MUSK: variants seen among roughly 807,000 people sequenced by gnomAD.
The protein encoded by MUSK is muscle, skeletal receptor tyrosine-protein kinase.
In MUSK, 55 loss-of-function variants were observed where a neutral mutation model predicts 88.7. The ratio of observed to expected loss-of-function variants is 0.62; its 90% CI spans 0.50 to 0.78. The LOEUF (loss-of-function observed/expected upper bound fraction) is 0.78. Ranked by LOEUF, MUSK falls within the 30% of genes least tolerant of loss-of-function variation. MUSK has a pLI of 0.00. For missense variants in MUSK, 1,015 were observed against 1,074.3 expected (o/e 0.94, Z 0.77); for synonymous variants, 387 against 391.9 (o/e 0.99, Z 0.15).
At chr9:110,720,076 CA>C (rs2076791697) in intron 5 of MUSK, among the ~76,000 whole-genome samples, 1 of 151,962 alleles carries the variant, frequency 6.6e-6, no homozygotes, top group South Asian at 2.1e-4. Flanking sequence ...GACAACCTAT[CA>C]AAACCTCTGG....
chr9:110,762,838 A>G (rs949458943), intron 8 of MUSK, among the ~76,000 whole-genome samples: 3 of 152,252 alleles, frequency 2.0e-5, no homozygotes, highest in Non-Finnish European at 4.4e-5. Flanking sequence ...GCCTACGTTT[A>G]AAAACAGGCA....
At chr9:110,767,132 G>A (rs1442950278) in intron 8 of MUSK, among the ~76,000 whole-genome samples, 1 of 152,188 alleles carries the variant, frequency 6.6e-6, no homozygotes, top group Non-Finnish European at 1.5e-5. Context: ...TCATTCAACA[G>A]AATAGATCAC....
chr9:110,712,851 GAA>G (rs2076689934), intron 5 of MUSK, among the ~76,000 whole-genome samples: 1 of 151,992 alleles, frequency 6.6e-6, no homozygotes, highest in African/African-American at 2.4e-5. Flanking sequence ...TTCATTTCTT[GAA>G]AAGTGTTCAA....
At chr9:110,784,276 A>C (rs1164761002) in intron 11 of MUSK, among the ~76,000 whole-genome samples, 1 of 152,182 alleles carries the variant, frequency 6.6e-6, no homozygotes, top group African/African-American at 2.4e-5. Context: ...GGTTTCCAAC[A>C]GTAATGCTGA....
chr9:110,679,025 T>C (rs181113318), intron 1 of MUSK, among the ~76,000 whole-genome samples: 1 of 152,246 alleles, frequency 6.6e-6, no homozygotes, highest in Admixed American at 6.5e-5. Flanking sequence ...ATTTTCTTTA[T>C]GTTTGAATGT....
At chr9:110,799,324 A>C (rs1000781118) in intron 14 of MUSK, among the ~76,000 whole-genome samples, 1 of 152,174 alleles carries the variant, frequency 6.6e-6, no homozygotes, top group East Asian at 1.9e-4. Context: ...TAATATTCCA[A>C]GTTCTCCAGT....
Position 110,774,589 on chromosome 9 carries a change from G to A in MUSK, c.1185-1199G>A, listed in dbSNP as rs77714179. 4.3e-4 allele frequency among the ~76,000 whole-genome samples: 66 copies of A among 152,122 alleles called. No individual in the cohort carries two copies. The East Asian group carries it at 0.011, about 25-fold the overall frequency. On this transcript the variant is annotated intron_variant, in intron 9 of 14. Transcript: ENST00000374448. ...ATGCTGTCTGCGTGCAAAAAAATGT[G>A]CTTATACAACCCAGGGGTGGAACCA...
At chr9:110,768,772 A>T (rs1176239180) in intron 9 of MUSK, among the ~76,000 whole-genome samples, 2 of 152,160 alleles carry the variant, frequency 1.3e-5, no homozygotes, top group Non-Finnish European at 2.9e-5. Context: ...CATGCCAAGC[A>T]TCTCTGAATG....
At chr9:110,681,945 AGAG>A (rs2076141150) in intron 1 of MUSK, among the ~76,000 whole-genome samples, 1 of 152,166 alleles carries the variant, frequency 6.6e-6, no homozygotes, top group South Asian at 2.1e-4. Flanking sequence ...CTCATTTCAC[AGAG>A]GAGTGAGAAA....
chr9:110,679,229 G>T (rs988695114), intron 1 of MUSK, among the ~76,000 whole-genome samples: 22 of 151,892 alleles, frequency 1.4e-4, no homozygotes, highest in Non-Finnish European at 3.1e-4. Context: ...GTACTCTTGT[G>T]ATAATTTTAC....
At position 110,801,035 on chromosome 9, in the gene MUSK, G is replaced by A. The variant is rs1174446168; in HGVS notation, c.*47G>A. 5.5e-6 allele frequency: 8 copies of A among 1,446,794 alleles called. No homozygotes were observed. The highest frequency in any genetic ancestry group is 7.3e-6 in the Non-Finnish European group (8 of 1,099,264). The allele number at this position is 1,446,794 out of a possible 1,614,324, so 89.6% of individuals were successfully genotyped here. A position where few individuals can be genotyped will look rare whatever the true frequency, so the allele number is the denominator to read the frequency against. ...ATGCTGCAGTTTCCTCTCAGACTCTGTGAGCCAGGGGAATCCTACACCAGA... is the reference window on the plus strand; with the variant it reads ...ATGCTGCAGTTTCCTCTCAGACTCTATGAGCCAGGGGAATCCTACACCAGA... On this transcript the variant is annotated 3_prime_UTR_variant, in exon 15 of 15. Coordinates refer to ENST00000374448, the MANE Select transcript of MUSK (RefSeq NM_005592.4).
intron 8 of MUSK, among the ~76,000 whole-genome samples, chr9:110,764,789 T>C (rs767757685): frequency 6.6e-6 from 1 of 152,186 alleles, no homozygotes; most frequent in African/African-American, 2.4e-5. Context: ...TGTATGTGTA[T>C]GTTTTTTCCC....
chr9:110,673,877 AC>A (rs1340983038), intron 1 of MUSK, among the ~76,000 whole-genome samples: 10 of 152,224 alleles, frequency 6.6e-5, no homozygotes, highest in Non-Finnish European at 1.3e-4. Flanking sequence ...GACTATTAAC[AC>A]ATTGGCATAT....
In MUSK at chr9:110,668,853, T is replaced by C. The variant is rs1260154023; in HGVS notation, c.-52T>C. Reference sequence around the variant, plus strand: ...TTTAAAATGTAAACTGTGGAGCCATTTTCCTTGCGTTGTCCAGAAGGAACT... The same window carrying C: ...TTTAAAATGTAAACTGTGGAGCCATCTTCCTTGCGTTGTCCAGAAGGAACT... On this transcript the variant is annotated 5_prime_UTR_variant, in exon 1 of 15. Coordinates refer to ENST00000374448, the MANE Select transcript of MUSK (RefSeq NM_005592.4). The C allele has an allele frequency of 7.0e-7, 1 of 1,436,464 alleles. No individual in the cohort carries two copies. Among genetic ancestry groups the C allele is most frequent in the East Asian group, 2.3e-5 (1 of 43,954 alleles). 89.0% of individuals were successfully genotyped at this position (1,436,464 alleles called of 1,614,324 possible).
intron 3 of MUSK, among the ~76,000 whole-genome samples, chr9:110,687,537 G>A (rs2076214266): frequency 6.6e-6 from 1 of 152,024 alleles, no homozygotes; most frequent in South Asian, 2.1e-4. Flanking sequence ...GTTTCACTAT[G>A]TTGGACAGGC....
intron 7 of MUSK, among the ~76,000 whole-genome samples, chr9:110,756,934 G>C (rs2077333212): frequency 6.6e-6 from 1 of 151,966 alleles, no homozygotes; most frequent in South Asian, 2.1e-4. Context: ...CATTTGTCTT[G>C]CTTTTTGAGG....
At chr9:110,763,315 A>C (rs926271224) in intron 8 of MUSK, among the ~76,000 whole-genome samples, 14 of 152,148 alleles carry the variant, frequency 9.2e-5, no homozygotes. Context: ...AAAAAGAAAA[A>C]ATTCTGAGTC....
chr9:110,763,447 T>C (rs912012581), intron 8 of MUSK, among the ~76,000 whole-genome samples: 1 of 152,172 alleles, frequency 6.6e-6, no homozygotes, highest in Non-Finnish European at 1.5e-5. Context: ...ACCCTCCTTC[T>C]GAAAAAAACA....
At chr9:110,718,517 A>T (rs1243444026) in intron 5 of MUSK, among the ~76,000 whole-genome samples, 1 of 152,070 alleles carries the variant, frequency 6.6e-6, no homozygotes, top group African/African-American at 2.4e-5. Flanking sequence ...AACTAACCAA[A>T]TCCATCAAAG....
Sources: allele counts gnomAD v4.1 joint callset (sites outside exome capture counted in the v4.1 genomes callset), GRCh38; gene constraint gnomAD v4.1.1; transcripts MANE v1.5; gene names NCBI Gene and HGNC (gene_info 2026-07-23, HGNC 2026-07-21).